The following SLC35D2 variants were observed in gnomAD, a reference collection of about 807,000 sequenced individuals.
The protein encoded by SLC35D2 is solute carrier family 35 member D2.
A neutral mutation model predicts 41.8 loss-of-function variants in SLC35D2; 43 were observed. That is an observed-to-expected ratio of 1.03 (90% CI 0.81 to 1.33). SLC35D2 has a LOEUF of 1.33. Ranked by LOEUF, SLC35D2 falls within the 40% of genes most tolerant of loss-of-function variation. The pLI, the probability that SLC35D2 is intolerant of heterozygous loss-of-function variation, is 0.00. For synonymous variants in SLC35D2, 150 were observed against 163.9 expected (o/e 0.92, Z 0.65); for missense variants, 380 against 408.4 (o/e 0.93, Z 0.60).
chr9:96,331,487 C>T (rs551378874), intron 9 of SLC35D2, among the ~76,000 whole-genome samples: 1 of 152,126 alleles, frequency 6.6e-6, no homozygotes, highest in South Asian at 2.1e-4. Flanking sequence ...TCCTGACATA[C>T]CCTCCCTCCC....
chr9:96,351,885 T>C (rs1327154693), intron 5 of SLC35D2, among the ~76,000 whole-genome samples, 153 bp downstream of exon 5: 1 of 152,216 alleles, frequency 6.6e-6, no homozygotes, highest in Non-Finnish European at 1.5e-5. Context: ...CATTAAGTTC[T>C]TAGGGAATCA....
chr9:96,341,945 A>AT (rs1554712393), intron 8 of SLC35D2, among the ~76,000 whole-genome samples: 183 of 147,576 alleles, frequency 1.2e-3, no homozygotes, highest in African/African-American at 4.3e-3. Flanking sequence ...TTGGAAAAAA[A>AT]AAATATATAT....
At chr9:96,325,490 A>C (rs35366334) in intron 9 of SLC35D2, among the ~76,000 whole-genome samples, 20,282 of 152,124 alleles carry the variant, frequency 0.13, 1,804 homozygotes, top group East Asian at 0.28. Context: ...CGAGACCAGC[A>C]TGGCCAACAT....
In SLC35D2 at chr9:96,324,189, A is replaced by G. The variant is rs183282247; in HGVS notation, c.753-20T>C. On this transcript the variant is annotated intron_variant, in intron 9 of 11. Coordinates refer to ENST00000253270, the MANE Select transcript of SLC35D2 (RefSeq NM_007001.3). Reference sequence around the variant, plus strand: ...AGAAACCTGTGACAAGGAAGCAGACACTGGAGTGTGTGCCTCACTACGCTG... The same window carrying G: ...AGAAACCTGTGACAAGGAAGCAGACGCTGGAGTGTGTGCCTCACTACGCTG... The G allele has an allele frequency of 4.8e-3, 7,693 of 1,609,184 alleles. 20 individuals are homozygous for G. Among genetic ancestry groups the G allele is most frequent in the Non-Finnish European group, 6.1e-3 (7,142 of 1,175,664 alleles).
rs1004908636 is a variant in SLC35D2, at chr9:96,336,641, G to A, written c.752+76C>T. The A allele has an allele frequency of 1.0e-5, 9 of 873,320 alleles. No homozygotes were observed. The African/African-American group carries it at 1.5e-4, about 15-fold the overall frequency. The allele number at this position is 873,320 out of a possible 1,614,324, so 54.1% of individuals were successfully genotyped here. A position where few individuals can be genotyped will look rare whatever the true frequency, so the allele number is the denominator to read the frequency against. Reference sequence around the variant, plus strand: ...AACACAAAGGAATTCTGACAGAATAGACAGAAGGCATATCTTGATTTGACT... The same window carrying A: ...AACACAAAGGAATTCTGACAGAATAAACAGAAGGCATATCTTGATTTGACT... On this transcript the variant is annotated intron_variant, in intron 9 of 11. Coordinates refer to ENST00000253270, the MANE Select transcript of SLC35D2 (RefSeq NM_007001.3).
chr9:96,356,578 T>C lies in SLC35D2; in HGVS notation c.347+3576A>G, dbSNP rs79543996. Among the ~76,000 whole-genome samples, 369 of 152,210 alleles carry C rather than the reference T, an allele frequency of 2.4e-3. 1 individual carries two copies. The highest frequency in any genetic ancestry group is 8.3e-3 in the African/African-American group (344 of 41,552). ...TAGTACTGGTTTAAAGATATCTAGA[T>C]AGATAGCTGGCTGGGCATGGTGGCT... On this transcript the variant is annotated intron_variant, in intron 4 of 11. Transcript: ENST00000253270.
chr9:96,350,157 A>G (rs1829749879), intron 6 of SLC35D2, among the ~76,000 whole-genome samples: 1 of 152,002 alleles, frequency 6.6e-6, no homozygotes, highest in Admixed American at 6.6e-5. Context: ...AAATACATTT[A>G]TAATGACAGT....
At chr9:96,344,148 A>C in intron 7 of SLC35D2, 152 bp from the exon 8 acceptor site, 1 of 527,410 alleles carries the variant, frequency 1.9e-6, no homozygotes, top group Non-Finnish European at 3.3e-6. Flanking sequence ...TCTGACATAA[A>C]ATGCTTTGGT....
chr9:96,370,539 C>T (rs929694644), intron 1 of SLC35D2, among the ~76,000 whole-genome samples: 8 of 152,096 alleles, frequency 5.3e-5, no homozygotes, highest in Admixed American at 1.3e-4. Context: ...CACCTGTAGT[C>T]CCAACTACTT....
intron 8 of SLC35D2, among the ~76,000 whole-genome samples, chr9:96,340,326 T>C (rs1293504768): frequency 1.3e-5 from 2 of 152,078 alleles, no homozygotes; most frequent in Non-Finnish European, 2.9e-5. Context: ...TTTTAAAAAC[T>C]AGTCAAACTT....
At chr9:96,352,982 G>T (rs905617388) in intron 4 of SLC35D2, among the ~76,000 whole-genome samples, 1 of 151,952 alleles carries the variant, frequency 6.6e-6, no homozygotes, top group African/African-American at 2.4e-5. Context: ...AGGTTGCAGT[G>T]AGCCAGGATC....
chr9:96,376,533 C>T (rs1235454322), intron 1 of SLC35D2, among the ~76,000 whole-genome samples: 5 of 152,150 alleles, frequency 3.3e-5, no homozygotes, highest in Admixed American at 2.0e-4. Context: ...TGCTTAAACA[C>T]GGGAGGTGGA....
At chr9:96,317,151 A>AAG (rs1828073108), downstream of SLC35D2, among the ~76,000 whole-genome samples, 1 of 151,204 alleles carries the variant, frequency 6.6e-6, no homozygotes, top group African/African-American at 2.5e-5. Flanking sequence ...AAAAAAAAAA[A>AAG]GTATTAAAAC....
chr9:96,338,563 A>AG (rs1054876384), intron 8 of SLC35D2, among the ~76,000 whole-genome samples: 9 of 151,832 alleles, frequency 5.9e-5, no homozygotes, highest in African/African-American at 2.2e-4. Context: ...CTCAAAAAAA[A>AG]AAAAAAAAAA....
At chr9:96,342,289 T>A (rs1171880065) in intron 8 of SLC35D2, among the ~76,000 whole-genome samples, 1 of 152,108 alleles carries the variant, frequency 6.6e-6, no homozygotes, top group Non-Finnish European at 1.5e-5. Flanking sequence ...TTTTGTATTT[T>A]TACTACTACT....
exon 12 of SLC35D2, chr9:96,313,933 T>C (rs1264455449): frequency 6.6e-6 from 1 of 152,312 alleles, no homozygotes; most frequent in East Asian, 1.9e-4. Flanking sequence ...AGGGGCTTGG[T>C]AGAGAGGGCC....
At chr9:96,344,448 A>C (rs1005980452) in intron 7 of SLC35D2, among the ~76,000 whole-genome samples, 1 of 150,444 alleles carries the variant, frequency 6.6e-6, no homozygotes, top group African/African-American at 2.5e-5. Context: ...ATTTTCAAAA[A>C]AGGATGACAT....
At chr9:96,339,997 A>ACATTT in intron 8 of SLC35D2, among the ~76,000 whole-genome samples, 1 of 152,362 alleles carries the variant, frequency 6.6e-6, no homozygotes, top group East Asian at 1.9e-4. Context: ...AGAGAAGTTA[A>ACATTT]CATTTTGCTC....
intron 8 of SLC35D2, among the ~76,000 whole-genome samples, chr9:96,342,119 CT>C (rs113924709): frequency 2.0e-5 from 3 of 150,016 alleles, no homozygotes; most frequent in Admixed American, 6.7e-5. Flanking sequence ...ATCTTTTTTC[CT>C]TTTTTTTTGA....
Sources: gnomAD v4.1 joint callset for allele counts (sites outside exome capture counted in the v4.1 genomes callset) on GRCh38, gnomAD v4.1.1 for gene constraint, MANE v1.5 for transcripts, NCBI Gene and HGNC (gene_info 2026-07-23, HGNC 2026-07-21) for gene names.